Variants in USP22 observed in about 807,000 individuals in gnomAD.
The protein encoded by USP22 is ubiquitin specific peptidase 22.
In USP22, 22 loss-of-function variants were observed where a neutral mutation model predicts 68.1. The ratio of observed to expected loss-of-function variants is 0.32; its 90% CI spans 0.23 to 0.46. The LOEUF (loss-of-function observed/expected upper bound fraction) is 0.46. USP22 is among the 20% of genes least tolerant of loss of function. The pLI is 1.00. For synonymous variants in USP22, 279 were observed against 274.2 expected, an observed-to-expected ratio of 1.02 and a Z score of -0.17; for missense variants, 433 against 695.8, an observed-to-expected ratio of 0.62 and a Z score of 4.25.
chr17:21,033,686 C>G (rs1972320246), intron 1 of USP22, among the ~76,000 whole-genome samples: 1 of 152,122 alleles, frequency 6.6e-6, no homozygotes, highest in Non-Finnish European at 1.5e-5. Context: ...AAGTTTAATT[C>G]TTGTGCATTC....
chr17:21,038,222 C>CA (rs1427893364), intron 1 of USP22, among the ~76,000 whole-genome samples: 3 of 152,036 alleles, frequency 2.0e-5, no homozygotes, highest in Non-Finnish European at 4.4e-5. Flanking sequence ...TAGGGAGACT[C>CA]AGTCTTTTAT....
chr17:21,018,440 G>GA (rs1972114523), intron 4 of USP22: 1 of 123,656 alleles, frequency 8.1e-6, no homozygotes, highest in African/African-American at 4.5e-5. Flanking sequence ...TCTAGGGCCA[G>GA]GGCAGGGGCT....
chr17:21,039,198 G>A (rs1049342143), intron 1 of USP22, among the ~76,000 whole-genome samples: 4 of 151,780 alleles, frequency 2.6e-5, no homozygotes, highest in Admixed American at 6.6e-5. Flanking sequence ...TGATCCGCCC[G>A]CCTCGGCCTC....
intron 5 of USP22, among the ~76,000 whole-genome samples, 193 bp downstream of exon 5, chr17:21,017,749 T>C (rs1342282647): frequency 1.3e-5 from 2 of 152,200 alleles, no homozygotes; most frequent in African/African-American, 4.8e-5. Flanking sequence ...CAGCAGTGCG[T>C]CCCCAAAAAT....
chr17:21,042,489 GAAGGA>G (rs947560572), intron 1 of USP22, among the ~76,000 whole-genome samples, 171 bp downstream of exon 1: 1 of 138,320 alleles, frequency 7.2e-6, no homozygotes, highest in Non-Finnish European at 1.6e-5. Flanking sequence ...GTTGAGGGGG[GAAGGA>G]AAGGAGGGGG....
chr17:21,013,593 C>T (rs1300889917), intron 6 of USP22, among the ~76,000 whole-genome samples: 10 of 152,160 alleles, frequency 6.6e-5, no homozygotes, highest in Non-Finnish European at 1.5e-5. Context: ...GGACAGGGCA[C>T]GAGGACACCT....
At chr17:21,043,012 G>A (rs911930773), upstream of USP22, 8 of 323,666 alleles carry the variant, frequency 2.5e-5, no homozygotes, top group Non-Finnish European at 3.8e-5. Context: ...AGGCTGCAAG[G>A]CAGGCACCGC....
intron 1 of USP22, among the ~76,000 whole-genome samples, chr17:21,029,959 C>T (rs756763061): frequency 2.0e-5 from 3 of 152,266 alleles, no homozygotes; most frequent in East Asian, 1.9e-4. Context: ...GTGTAAACCA[C>T]GAAATGTTGC....
intron 1 of USP22, among the ~76,000 whole-genome samples, chr17:21,038,743 CAAAG>C (rs1972388562): frequency 6.6e-6 from 1 of 151,768 alleles, no homozygotes; most frequent in African/African-American, 2.4e-5. Context: ...ATTTTAGATT[CAAAG>C]AGAGAAATGG....
intron 2 of USP22, among the ~76,000 whole-genome samples, chr17:21,024,619 C>T (rs1404450904): frequency 2.0e-5 from 3 of 152,078 alleles, no homozygotes; most frequent in Non-Finnish European, 2.9e-5. Context: ...TTCATGACCT[C>T]GGATTTGGTA....
chr17:21,036,045 A>AAAAAAAAAAAAAAAAAAAAAAAG (rs1567593858), intron 1 of USP22, among the ~76,000 whole-genome samples: 1 of 150,914 alleles, frequency 6.6e-6, no homozygotes, highest in African/African-American at 2.5e-5. Flanking sequence ...AAAAAAAAAA[A>AAAAAAAAAAAAAAAAAAAAAAAG]AAAAAAAAAA....
chr17:21,040,593 A>AT (rs1972414720), intron 1 of USP22, among the ~76,000 whole-genome samples: 1 of 152,166 alleles, frequency 6.6e-6, no homozygotes, highest in South Asian at 2.1e-4. Context: ...AATCAGAGCC[A>AT]TAAGTAGCGC....
chr17:21,013,496 T>G (rs919197792), intron 6 of USP22, among the ~76,000 whole-genome samples: 1 of 152,234 alleles, frequency 6.6e-6, no homozygotes, highest in Admixed American at 6.5e-5. Flanking sequence ...CATATCCATG[T>G]GTGCAGATCT....
At chr17:21,039,197 C>T (rs1001474088) in intron 1 of USP22, among the ~76,000 whole-genome samples, 3 of 151,728 alleles carry the variant, frequency 2.0e-5, no homozygotes, top group Non-Finnish European at 2.9e-5. Flanking sequence ...GTGATCCGCC[C>T]GCCTCGGCCT....
rs1477842413 is a variant in USP22, at chr17:21,017,872, TTA to T, written c.690+68_690+69del. 1.9e-6 allele frequency: 3 copies of T among 1,585,054 alleles called. No individual in the cohort carries two copies. In the African/African-American group the frequency reaches 4.1e-5, roughly 21 times the overall value. On this transcript the variant is annotated intron_variant, in intron 5 of 12. Transcript: ENST00000261497. ...GTATCTTCCTTTATCATGGTCCACC[TTA>T]AATTTTTTTTTTGAAGGTGAAAACA...
Position 21,011,163 on chromosome 17 carries a change from T to C in USP22, c.1091A>G (p.Asp364Gly). The C allele has an allele frequency of 1.2e-6, 2 of 1,600,628 alleles. No homozygotes were observed. The highest frequency in any genetic ancestry group is 2.3e-5 in the South Asian group (2 of 88,644). ...GCAGGCCTCTCACCGTCGCAGGCAG[T>C]CCGTGAGCGTGGTGGTTCCCGACAC... ...SHVSGTTTLT[D>G]CLRRFTRPEH... is the part of the protein sequence containing the mutation. Residue 364 changes from aspartate (D) to glycine (G), a missense_variant, in exon 8 of 13, where the codon GAC (aspartate) becomes GGC (glycine). Physicochemically the swap from Asp to Gly is moderately conservative, Grantham distance 94. Around this residue, in one of 4 missense-constraint regions of USP22, gnomAD observed 178 missense variants for 351.5 expected, o/e 0.51. Transcript: ENST00000261497.
chr17:21,002,977 T>C lies in USP22; in HGVS notation c.*54A>G. 6.2e-7 allele frequency: 1 copy of C among 1,604,900 alleles called. No homozygotes were observed. Among genetic ancestry groups the C allele is most frequent in the Non-Finnish European group, 8.5e-7 (1 of 1,173,754 alleles). The stretch of plus-strand genomic sequence containing the variant: ...GAGGGGGGGGCCAGGGAGGATCACT[T>C]TGTGAGGCTTGCCAATGCATTGCCT... On this transcript the variant is annotated 3_prime_UTR_variant, in exon 13 of 13. Transcript: ENST00000261497.
At position 21,042,973 on chromosome 17, in the gene USP22, A is replaced by C; in HGVS notation, c.-138T>G. The stretch of plus-strand genomic sequence containing the variant: ...CGAGAACAAAGCGCGGAGGCCGGAC[A>C]AAGATGGGGCTGCGCGATCGCCGAG... On this transcript the variant is annotated 5_prime_UTR_variant, in exon 1 of 13. Transcript: ENST00000261497. 3 of 440,276 alleles carry C rather than the reference A, an allele frequency of 6.8e-6. No homozygotes were observed. Among genetic ancestry groups the C allele is most frequent in the Non-Finnish European group, 1.1e-5 (3 of 280,742 alleles). The allele number at this position is 440,276 out of a possible 1,614,324, so 27.3% of individuals were successfully genotyped here.
At chr17:21,031,266 A>G (rs1157397371) in intron 1 of USP22, among the ~76,000 whole-genome samples, 2 of 152,246 alleles carry the variant, frequency 1.3e-5, no homozygotes, top group African/African-American at 4.8e-5. Context: ...AGCTGAAAAT[A>G]CAAATGTTCA....
Sources: gnomAD v4.1 joint callset for allele counts (sites outside exome capture counted in the v4.1 genomes callset) on GRCh38, gnomAD v4.1.1 for gene constraint, gnomAD v4.1.1 regional missense constraint, MANE v1.5 for transcripts, NCBI Gene and HGNC (gene_info 2026-07-23, HGNC 2026-07-21) for gene names.